The following WDPCP variants were observed in gnomAD, a reference collection of about 807,000 sequenced individuals.
The protein encoded by WDPCP is WD repeat-containing and planar cell polarity effector protein fritz homolog.
WDPCP carries 71 observed loss-of-function variants against 93.1 expected under a neutral mutation model. The observed-to-expected ratio is 0.76, with a 90% confidence interval of 0.63 to 0.93. The LOEUF (loss-of-function observed/expected upper bound fraction) is 0.93. Ranked by LOEUF, WDPCP falls within the 40% of genes least tolerant of loss-of-function variation. The probability of loss-of-function intolerance (pLI) is 0.00; values close to 1 mark genes in which losing one functional copy is unlikely to be tolerated. For missense variants in WDPCP, 844 were observed against 887.4 expected, an observed-to-expected ratio of 0.95 and a Z score of 0.62; for synonymous variants, 315 against 315.0, an observed-to-expected ratio of 1.00 and a Z score of 0.00.
intron 12 of WDPCP, among the ~76,000 whole-genome samples, chr2:63,316,757 T>C (rs1417150840): frequency 1.3e-5 from 2 of 152,104 alleles, no homozygotes; most frequent in African/African-American, 4.8e-5. Context: ...GAAGTCAAAC[T>C]ATCTCCCTTC....
chr2:63,138,970 G>C (rs1670847623), intron 17 of WDPCP, among the ~76,000 whole-genome samples: 1 of 152,074 alleles, frequency 6.6e-6, no homozygotes, highest in Admixed American at 6.5e-5. Context: ...CCATTCCTGA[G>C]TTACTTCACG....
chr2:63,269,340 T>C (rs1682431475), intron 13 of WDPCP, among the ~76,000 whole-genome samples: 1 of 152,202 alleles, frequency 6.6e-6, no homozygotes, highest in Non-Finnish European at 1.5e-5. Context: ...CATTTAGCAC[T>C]ATTAAATGAA....
rs760487883 is a variant in WDPCP, at chr2:63,611,114, G to C, written n.488+39545C>G. 2.0e-5 allele frequency among the ~76,000 whole-genome samples: 3 copies of C among 152,002 alleles called. No individual in the cohort carries two copies. The East Asian group carries it at 5.8e-4, about 29-fold the overall frequency. ...CCCTGTCTCAAAAAAAACCATAAAAGCTATATAGATACCTGCAGAGCCACC... is the reference window on the plus strand; with the variant it reads ...CCCTGTCTCAAAAAAAACCATAAAACCTATATAGATACCTGCAGAGCCACC... On this transcript the variant is annotated intron_variant and non_coding_transcript_variant, in intron 3 of 4. Transcript: ENST00000467687.
At position 63,622,614 on chromosome 2, in the gene WDPCP, T is replaced by A; in HGVS notation, n.488+28045A>T. The stretch of plus-strand genomic sequence containing the variant: ...CAGGATGTACACCGAGTGAGCAACA[T>A]TGGCAGGAAATAGTTGCTTGGCCCA... On this transcript the variant is annotated intron_variant and non_coding_transcript_variant, in intron 3 of 4. Transcript: ENST00000467687. 4.3e-6 allele frequency: 7 copies of A among 1,613,788 alleles called. No homozygotes were observed. In the South Asian group the frequency reaches 5.5e-5, roughly 13 times the overall value.
chr2:63,412,337 T>C (rs990955243), intron 9 of WDPCP, among the ~76,000 whole-genome samples: 7 of 152,192 alleles, frequency 4.6e-5, no homozygotes, highest in African/African-American at 1.7e-4. Context: ...CACCCCTTTA[T>C]GATTAAAACT....
chr2:63,245,681 C>T (rs1332969767), intron 14 of WDPCP, among the ~76,000 whole-genome samples: 1 of 152,082 alleles, frequency 6.6e-6, no homozygotes, highest in Non-Finnish European at 1.5e-5. Flanking sequence ...CAGCAAAGAT[C>T]ATGATGAACT....
intron 17 of WDPCP, among the ~76,000 whole-genome samples, chr2:63,122,423 C>T (rs1041972756): frequency 1.3e-5 from 2 of 152,050 alleles, no homozygotes; most frequent in African/African-American, 4.8e-5. Flanking sequence ...TATTATATAG[C>T]ATATATTTCC....
chr2:63,355,483 G>A (rs1395413281), intron 12 of WDPCP, among the ~76,000 whole-genome samples: 2 of 152,126 alleles, frequency 1.3e-5, no homozygotes. Flanking sequence ...GCTGCTACCA[G>A]CTAATATAAA....
intron 12 of WDPCP, among the ~76,000 whole-genome samples, chr2:63,325,719 T>G (rs528084582): frequency 3.5e-4 from 54 of 152,330 alleles, no homozygotes; most frequent in African/African-American, 1.2e-3. Flanking sequence ...AGGGATATAT[T>G]AGCCAAAGCT....
At chr2:63,680,568 C>A (rs1710478800) in intron 2 of WDPCP, among the ~76,000 whole-genome samples, 1 of 152,158 alleles carries the variant, frequency 6.6e-6, no homozygotes, top group Non-Finnish European at 1.5e-5. Flanking sequence ...AGCCTTGTCA[C>A]TCCAGGCTGA....
chr2:63,416,072 T>C (rs1199780506), intron 9 of WDPCP, among the ~76,000 whole-genome samples: 1 of 152,178 alleles, frequency 6.6e-6, no homozygotes. Flanking sequence ...AAATAAAAAC[T>C]AAATTATCTC....
At chr2:63,373,581 A>T (rs529141367) in intron 12 of WDPCP, among the ~76,000 whole-genome samples, 8 of 137,710 alleles carry the variant, frequency 5.8e-5, no homozygotes, top group African/African-American at 1.6e-4. Context: ...AGATGTCTTT[A>T]AAAAAAAAAA....
At chr2:63,169,611 T>A (rs1362662457) in intron 15 of WDPCP, among the ~76,000 whole-genome samples, 2 of 152,164 alleles carry the variant, frequency 1.3e-5, no homozygotes, top group Non-Finnish European at 2.9e-5. Context: ...ATGAATATAT[T>A]TTGCAACATT....
At chr2:63,704,839 T>C (rs997084806) in intron 2 of WDPCP, among the ~76,000 whole-genome samples, 1 of 152,180 alleles carries the variant, frequency 6.6e-6, no homozygotes, top group African/African-American at 2.4e-5. Context: ...GATTTCCTCT[T>C]TTTCTATTGA....
intron 2 of WDPCP, among the ~76,000 whole-genome samples, chr2:63,761,850 T>A (rs1310377534): frequency 2.0e-5 from 3 of 152,194 alleles, no homozygotes; most frequent in African/African-American, 7.2e-5. Flanking sequence ...CAAGTTGACA[T>A]TCAGTATTAA....
At chr2:63,343,957 A>C (rs1223697033) in intron 12 of WDPCP, among the ~76,000 whole-genome samples, 8 of 152,004 alleles carry the variant, frequency 5.3e-5, no homozygotes, top group Non-Finnish European at 8.8e-5. Flanking sequence ...GGTTTCCTTT[A>C]GCTTTCTGAG....
chr2:63,796,922 A>G (rs1670625970), intron 2 of WDPCP, among the ~76,000 whole-genome samples: 1 of 152,124 alleles, frequency 6.6e-6, no homozygotes, highest in African/African-American at 2.4e-5. Context: ...CGCAGCTTGC[A>G]GCTCCAGGAA....
At chr2:63,346,791 C>T (rs1367110874) in intron 12 of WDPCP, among the ~76,000 whole-genome samples, 3 of 152,188 alleles carry the variant, frequency 2.0e-5, no homozygotes, top group Non-Finnish European at 4.4e-5. Context: ...ACTCAAAAAA[C>T]TGCCATGTTC....
intron 2 of WDPCP, among the ~76,000 whole-genome samples, chr2:63,803,456 C>T (rs1426598204): frequency 6.6e-6 from 1 of 152,054 alleles, no homozygotes; most frequent in East Asian, 1.9e-4. Flanking sequence ...ATGGAACTAG[C>T]ATATTCCAAA....
Sources: gnomAD v4.1 joint callset for allele counts (sites outside exome capture counted in the v4.1 genomes callset) on GRCh38, gnomAD v4.1.1 for gene constraint, MANE v1.5 for transcripts, NCBI Gene and HGNC (gene_info 2026-07-23, HGNC 2026-07-21) for gene names.